LRGUK: variants seen among roughly 807,000 people sequenced by gnomAD.
The protein encoded by LRGUK is leucine rich repeats and guanylate kinase domain containing, also known as leucine-rich repeat and guanylate kinase domain-containing protein.
A neutral mutation model predicts 76.0 loss-of-function variants in LRGUK; 65 were observed. That is an observed-to-expected ratio of 0.85 (90% CI 0.70 to 1.05). The LOEUF (loss-of-function observed/expected upper bound fraction) is 1.05, where lower values mean the gene tolerates loss of function less well. Ranked by LOEUF, LRGUK falls within the 50% of genes least tolerant of loss-of-function variation. The pLI, the probability that LRGUK is intolerant of heterozygous loss-of-function variation, is 0.00. For synonymous variants in LRGUK, 268 were observed against 265.6 expected (o/e 1.01, Z -0.09); for missense variants, 758 against 732.8 (o/e 1.03, Z -0.40).
chr7:134,164,049 G>A (rs185916039), intron 7 of LRGUK, among the ~76,000 whole-genome samples: 129 of 152,222 alleles, frequency 8.5e-4, no homozygotes, highest in Middle Eastern at 3.4e-3. Context: ...GGCGATTATC[G>A]TTAATAAAAA....
At chr7:134,225,668 A>G (rs1430804417) in intron 16 of LRGUK, among the ~76,000 whole-genome samples, 1 of 152,248 alleles carries the variant, frequency 6.6e-6, no homozygotes, top group South Asian at 2.1e-4. Flanking sequence ...ATGTGGGTGA[A>G]TTCACCTAAG....
chr7:134,220,203 T>C (rs929087493), intron 15 of LRGUK, among the ~76,000 whole-genome samples: 60 of 152,222 alleles, frequency 3.9e-4, no homozygotes, highest in East Asian at 3.8e-4. Context: ...ACAGTTTCTT[T>C]AATATTCCTT....
intron 6 of LRGUK, among the ~76,000 whole-genome samples, chr7:134,162,537 G>A (rs1012668073): frequency 3.9e-5 from 6 of 152,040 alleles, no homozygotes; most frequent in African/African-American, 1.4e-4. Flanking sequence ...TTAAGAGGAG[G>A]GGACCACGGC....
intron 10 of LRGUK, among the ~76,000 whole-genome samples, chr7:134,180,752 T>C (rs1331816149): frequency 6.6e-6 from 1 of 152,162 alleles, no homozygotes; most frequent in Non-Finnish European, 1.5e-5. Context: ...TGTAACAAAA[T>C]TTGCCACTTT....
chr7:134,221,965 A>G (rs1200677284), intron 16 of LRGUK, 47 bp downstream of exon 16: 2 of 1,441,668 alleles, frequency 1.4e-6, no homozygotes, highest in Non-Finnish European at 1.8e-6. Flanking sequence ...GCTCTATACA[A>G]TGTCAGACAA....
chr7:134,147,308 G>A (rs6964432), intron 4 of LRGUK, among the ~76,000 whole-genome samples: 94,859 of 151,754 alleles, frequency 0.63, 30,111 homozygotes, highest in African/African-American at 0.71. Context: ...GGTGGCACAC[G>A]TCTATAGTCC....
chr7:134,267,525 T>C (rs968815029), downstream of LRGUK, among the ~76,000 whole-genome samples: 1 of 152,148 alleles, frequency 6.6e-6, no homozygotes. Context: ...GATAATTGAA[T>C]CATGGGGCAC....
At chr7:134,217,805 G>A (rs1041290302) in intron 15 of LRGUK, among the ~76,000 whole-genome samples, 8 of 151,736 alleles carry the variant, frequency 5.3e-5, no homozygotes, top group African/African-American at 1.7e-4. Context: ...TCTTTTTTAT[G>A]ACTACATATT....
chr7:134,152,936 G>A (rs1344788360), intron 5 of LRGUK, among the ~76,000 whole-genome samples: 1 of 130,372 alleles, frequency 7.7e-6, no homozygotes, highest in Non-Finnish European at 1.6e-5. Context: ...TATAATTTAG[G>A]CATAAAACTA....
chr7:134,135,552 T>C (rs1797488766), intron 1 of LRGUK, among the ~76,000 whole-genome samples: 1 of 152,204 alleles, frequency 6.6e-6, no homozygotes, highest in East Asian at 1.9e-4. Context: ...CATTTCCTAT[T>C]TATAGCTGAA....
chr7:134,212,666 A>G (rs764876866), downstream of LRGUK, among the ~76,000 whole-genome samples: 21 of 152,214 alleles, frequency 1.4e-4, no homozygotes, highest in Non-Finnish European at 2.8e-4. Flanking sequence ...ATTTTTACTA[A>G]AAGTGTATTT....
At chr7:134,248,955 C>A in exon 18 of LRGUK, 2 of 1,480,674 alleles carry the variant, frequency 1.4e-6, no homozygotes, top group Non-Finnish European at 1.8e-6. Context: ...TTCCAGGGGT[C>A]CAGTACCAGC....
intron 2 of LRGUK, among the ~76,000 whole-genome samples, chr7:134,138,990 A>ACCT (rs745441444): frequency 0.13 from 19,985 of 152,122 alleles, 1,610 homozygotes; most frequent in East Asian, 0.33. Flanking sequence ...GAAAATGAAA[A>ACCT]GGTGAAAGTG....
chr7:134,269,994 A>G, the LRGUK span, among the ~76,000 whole-genome samples: 1 of 152,206 alleles, frequency 6.6e-6, no homozygotes, highest in African/African-American at 2.4e-5. Context: ...AATCATACTT[A>G]GTGGTTACAG....
At chr7:134,158,264 C>G (rs963150469) in intron 6 of LRGUK, 105 bp downstream of exon 6, 157 of 1,034,408 alleles carry the variant, frequency 1.5e-4, no homozygotes, top group Non-Finnish European at 1.2e-5. Flanking sequence ...GAGAAAATTC[C>G]TTCATGAAAT....
chr7:134,244,945 C>T (rs998760363), intron 16 of LRGUK, among the ~76,000 whole-genome samples: 15 of 150,726 alleles, frequency 1.0e-4, no homozygotes, highest in African/African-American at 3.2e-4. Flanking sequence ...AGCAAACTAT[C>T]GCAAGGACAG....
chr7:134,239,122 G>T (rs147181402), intron 16 of LRGUK, among the ~76,000 whole-genome samples: 88 of 152,318 alleles, frequency 5.8e-4, no homozygotes, highest in African/African-American at 2.1e-3. Context: ...AATAGGAACA[G>T]CTCCAGTCTG....
At chr7:134,195,051 G>A (rs552936581) in intron 12 of LRGUK, among the ~76,000 whole-genome samples, 1 of 152,264 alleles carries the variant, frequency 6.6e-6, no homozygotes, top group African/African-American at 2.4e-5. Flanking sequence ...TGATTGGTCA[G>A]AGATGAAATC....
At chr7:134,247,432 C>A in intron 16 of LRGUK, 124 bp from the exon 17 acceptor site, 1 of 577,054 alleles carries the variant, frequency 1.7e-6, no homozygotes, top group South Asian at 3.4e-5. Context: ...TTTTTTATGC[C>A]TTTTCCCCCT....
Sources: gnomAD v4.1 joint callset for allele counts (sites outside exome capture counted in the v4.1 genomes callset) on GRCh38, gnomAD v4.1.1 for gene constraint, MANE v1.5 for transcripts, NCBI Gene and HGNC (gene_info 2026-07-23, HGNC 2026-07-21) for gene names.